VAMP7: variants seen among roughly 807,000 people sequenced by gnomAD.
VAMP7 encodes the protein vesicle-associated membrane protein 7.
In VAMP7, 14 loss-of-function variants were observed where a neutral mutation model predicts 29.6. The observed-to-expected ratio is 0.47, with a 90% CI of 0.31 to 0.74. The LOEUF (loss-of-function observed/expected upper bound fraction) is 0.74. VAMP7 is among the 30% of genes least tolerant of loss of function. The probability of loss-of-function intolerance (pLI) is 0.05; values close to 1 mark genes in which losing one functional copy is unlikely to be tolerated. For synonymous variants in VAMP7, 95 were observed against 88.1 expected, an observed-to-expected ratio of 1.08 and a Z score of -0.44; for missense variants, 223 against 262.4, an observed-to-expected ratio of 0.85 and a Z score of 1.04.
intron 5 of VAMP7, among the ~76,000 whole-genome samples, chrX:155,904,654 C>T (rs966449188): frequency 1.3e-5 from 2 of 151,932 alleles, no homozygotes; most frequent in Non-Finnish European, 2.9e-5. Context: ...TTTGCCTATT[C>T]TGGACATTTC....
At chrX:155,900,301 T>C (rs1315863315) in intron 4 of VAMP7, among the ~76,000 whole-genome samples, 196 bp from the exon 5 acceptor site, 1 of 152,074 alleles carries the variant, frequency 6.6e-6, no homozygotes, top group African/African-American at 2.4e-5. Context: ...ATAGTTTGTA[T>C]AGAAGCATTT....
At chrX:155,920,333 G>A (rs1178692487) in intron 6 of VAMP7, among the ~76,000 whole-genome samples, 5 of 152,102 alleles carry the variant, frequency 3.3e-5, no homozygotes, top group East Asian at 1.9e-4. Flanking sequence ...ATTGGAAAGC[G>A]CCAATAAGCC....
intron 6 of VAMP7, among the ~76,000 whole-genome samples, chrX:155,924,327 G>A (rs1316401969): frequency 1.3e-5 from 2 of 152,018 alleles, no homozygotes; most frequent in African/African-American, 2.4e-5. Context: ...CCTTTTTAAA[G>A]TGCACAATTC....
At chrX:155,889,430 T>C (rs2065901066) in intron 1 of VAMP7, 28 bp from the exon 2 acceptor site, 2 of 1,606,172 alleles carry the variant, frequency 1.2e-6, no homozygotes, top group Non-Finnish European at 1.7e-6. Context: ...AGAAATATTC[T>C]AAATCTGTGT....
At chrX:155,920,187 C>G (rs754227857) in intron 6 of VAMP7, among the ~76,000 whole-genome samples, 1 of 152,280 alleles carries the variant, frequency 6.6e-6, no homozygotes, top group African/African-American at 2.4e-5. Context: ...ACAGTCTGTT[C>G]CCTTTACAAA....
chrX:155,935,061 G>A (rs191276914), intron 6 of VAMP7, among the ~76,000 whole-genome samples: 2,553 of 152,182 alleles, frequency 0.017, 81 homozygotes, highest in African/African-American at 0.058. Context: ...AGTTTCTGCC[G>A]AGAGATCAGC....
chrX:155,915,970 C>G (rs1268852483), intron 5 of VAMP7, among the ~76,000 whole-genome samples: 1 of 152,082 alleles, frequency 6.6e-6, no homozygotes, highest in East Asian at 1.9e-4. Flanking sequence ...AAGTCTCCTA[C>G]TATTATTGTG....
At chrX:155,932,962 G>C (rs947023023) in intron 6 of VAMP7, among the ~76,000 whole-genome samples, 1 of 151,994 alleles carries the variant, frequency 6.6e-6, no homozygotes, top group African/African-American at 2.4e-5. Context: ...TGAGATGATC[G>C]TGTGTTTTTT....
chrX:155,935,774 G>A (rs190446658), intron 6 of VAMP7, among the ~76,000 whole-genome samples: 134 of 152,168 alleles, frequency 8.8e-4, no homozygotes, highest in African/African-American at 2.8e-3. Context: ...GAGGAGAGGC[G>A]CTCTGATTTT....
At chrX:155,898,408 G>C (rs1170267963) in intron 4 of VAMP7, among the ~76,000 whole-genome samples, 159 bp downstream of exon 4, 2 of 151,712 alleles carry the variant, frequency 1.3e-5, no homozygotes, top group Non-Finnish European at 2.9e-5. Context: ...AAATGTAAAG[G>C]GGCCATTTTA....
intron 5 of VAMP7, 120 bp from the exon 6 acceptor site, chrX:155,919,693 G>A (rs2066366800): frequency 4.8e-6 from 4 of 833,400 alleles, no homozygotes; most frequent in African/African-American, 1.7e-5. Context: ...AGTGGGTGAA[G>A]CATGCCTGTC....
intron 6 of VAMP7, among the ~76,000 whole-genome samples, chrX:155,926,929 C>G (rs1308316318): frequency 6.6e-6 from 1 of 152,086 alleles, no homozygotes; most frequent in Admixed American, 6.5e-5. Context: ...GGTCAGTGAA[C>G]AGTTAGAACA....
In VAMP7 at chrX:155,892,396, G is replaced by C. The variant is rs1164483913; in HGVS notation, c.146+2784G>C. On this transcript the variant is annotated intron_variant, in intron 2 of 7. Coordinates refer to ENST00000286448, the MANE Select transcript of VAMP7 (RefSeq NM_005638.6). ...GCCCTCAAGGTAAAATTCCTTAACG[G>C]GACTTGGAATATTCTTCAAGATCTG... 3.3e-5 allele frequency among the ~76,000 whole-genome samples: 5 copies of C among 152,060 alleles called. No individual in the cohort carries two copies. In the East Asian group the frequency reaches 7.7e-4, roughly 24 times the overall value.
At chrX:155,893,911 AGAGAGCCACTG>A (rs2065954279) in intron 2 of VAMP7, among the ~76,000 whole-genome samples, 1 of 152,232 alleles carries the variant, frequency 6.6e-6, no homozygotes, top group South Asian at 2.1e-4. Flanking sequence ...TATGTTTCAG[AGAGAGCCACTG>A]GATATGGCAA....
At chrX:155,896,479 T>C (rs910132095) in intron 3 of VAMP7, among the ~76,000 whole-genome samples, 10 of 144,034 alleles carry the variant, frequency 6.9e-5, no homozygotes, top group African/African-American at 3.0e-4. Flanking sequence ...TATGACTGTT[T>C]GTCGGCTCTC....
At chrX:155,885,165 T>G (rs1012019790) in intron 1 of VAMP7, among the ~76,000 whole-genome samples, 1 of 152,214 alleles carries the variant, frequency 6.6e-6, no homozygotes, top group Non-Finnish European at 1.5e-5. Context: ...AGCATATCTT[T>G]TTTTAGAAAC....
intron 5 of VAMP7, among the ~76,000 whole-genome samples, chrX:155,919,594 A>G (rs2066364979): frequency 1.3e-5 from 2 of 152,112 alleles, no homozygotes; most frequent in East Asian, 1.9e-4. Flanking sequence ...TTAGTGGCTT[A>G]GGGTGTAGTT....
At chrX:155,906,805 T>A (rs1402578426) in intron 5 of VAMP7, among the ~76,000 whole-genome samples, 4 of 152,188 alleles carry the variant, frequency 2.6e-5, no homozygotes, top group African/African-American at 9.7e-5. Flanking sequence ...TTTTCATTTC[T>A]TTTTATTGCT....
At chrX:155,941,746 G>A (rs756923481) in intron 7 of VAMP7, 137 bp from the exon 8 acceptor site, 4 of 1,054,962 alleles carry the variant, frequency 3.8e-6, no homozygotes, top group South Asian at 1.9e-5. Flanking sequence ...TACTTGTTTA[G>A]TGTGTTCCAT....
Sources: allele counts gnomAD v4.1 joint callset (sites outside exome capture counted in the v4.1 genomes callset), GRCh38; gene constraint gnomAD v4.1.1; transcripts MANE v1.5; gene names NCBI Gene and HGNC (gene_info 2026-07-23, HGNC 2026-07-21).